Variants in ENTREP2 observed in about 807,000 individuals in gnomAD.
ENTREP2 encodes the protein protein ENTREP2.
At chr15:29,598,852 G>A in the ENTREP2 span, among the ~76,000 whole-genome samples, 134 of 152,136 alleles carry the variant, frequency 8.8e-4, no homozygotes, top group African/African-American at 2.9e-3. Flanking sequence ...GCCCGCCACC[G>A]CGCCCAGCTA....
chr15:29,199,136 T>C, the ENTREP2 span, among the ~76,000 whole-genome samples: 1 of 152,240 alleles, frequency 6.6e-6, no homozygotes, highest in Admixed American at 6.5e-5. Context: ...GCTGGGTCCC[T>C]GGGGATTTTC....
the ENTREP2 span, among the ~76,000 whole-genome samples, chr15:29,405,626 C>T: frequency 6.6e-6 from 1 of 152,206 alleles, no homozygotes; most frequent in African/African-American, 2.4e-5. Context: ...GACCACGGGG[C>T]TACGGCACCA....
chr15:29,182,839 TA>T, the ENTREP2 span, among the ~76,000 whole-genome samples: 29 of 149,042 alleles, frequency 1.9e-4, no homozygotes, highest in East Asian at 7.9e-4. Flanking sequence ...CATAGACCAA[TA>T]AAAAAAAAGA....
chr15:29,594,782 G>A, the ENTREP2 span, among the ~76,000 whole-genome samples: 3 of 152,094 alleles, frequency 2.0e-5, no homozygotes, highest in East Asian at 5.8e-4. Flanking sequence ...GACCAATGAG[G>A]TGAAGCCCCC....
At chr15:29,360,295 T>C in the ENTREP2 span, among the ~76,000 whole-genome samples, 8 of 152,198 alleles carry the variant, frequency 5.3e-5, no homozygotes, top group Non-Finnish European at 1.2e-4. Flanking sequence ...TTTTCTTATA[T>C]TAGAGCTACC....
the ENTREP2 span, among the ~76,000 whole-genome samples, chr15:29,135,171 C>A: frequency 6.6e-6 from 1 of 151,810 alleles, no homozygotes; most frequent in Non-Finnish European, 1.5e-5. The surrounding 1 kb of genome is among the most constrained non-coding windows in gnomAD (Gnocchi z 7.4). Flanking sequence ...CCCTCTGCTC[C>A]AACTCACTGC....
At chr15:29,455,121 G>T in the ENTREP2 span, among the ~76,000 whole-genome samples, 1 of 152,112 alleles carries the variant, frequency 6.6e-6, no homozygotes, top group Non-Finnish European at 1.5e-5. Context: ...CTGAAACTCT[G>T]CTGTCTCCAT....
chr15:29,276,546 C>G, the ENTREP2 span, among the ~76,000 whole-genome samples: 1 of 152,200 alleles, frequency 6.6e-6, no homozygotes, highest in African/African-American at 2.4e-5. Flanking sequence ...CAGACAGATT[C>G]TCGCCCCTCT....
the ENTREP2 span, among the ~76,000 whole-genome samples, chr15:29,568,691 G>A: frequency 2.2e-5 from 3 of 138,188 alleles, no homozygotes; most frequent in Non-Finnish European, 3.0e-5. Context: ...GCAAAAGAGC[G>A]AGATCCTGCC....
At chr15:29,149,203 G>T in the ENTREP2 span, among the ~76,000 whole-genome samples, 6 of 152,096 alleles carry the variant, frequency 3.9e-5, no homozygotes, top group Non-Finnish European at 7.4e-5. Flanking sequence ...TATCGCAACC[G>T]CCATAGTTGT....
the ENTREP2 span, chr15:29,265,567 A>T: frequency 6.6e-6 from 1 of 152,290 alleles, no homozygotes; most frequent in African/African-American, 2.4e-5. Context: ...TGAATCCAGG[A>T]GGCAGAGATT....
chr15:29,476,583 C>T, the ENTREP2 span, among the ~76,000 whole-genome samples: 318 of 152,340 alleles, frequency 2.1e-3, no homozygotes, highest in African/African-American at 7.4e-3. Flanking sequence ...CCTGGACATG[C>T]GTCCCCAATA....
At chr15:29,289,755 A>C in the ENTREP2 span, among the ~76,000 whole-genome samples, 1 of 152,114 alleles carries the variant, frequency 6.6e-6, no homozygotes, top group South Asian at 2.1e-4. Flanking sequence ...CTGAGGCAGG[A>C]GAATCACTGG....
the ENTREP2 span, among the ~76,000 whole-genome samples, chr15:29,262,800 C>CTA: frequency 6.6e-6 from 1 of 152,234 alleles, no homozygotes; most frequent in East Asian, 1.9e-4. Context: ...GGACTTGTGA[C>CTA]TAGTGTCCTG....
chr15:29,605,964 T>A, the ENTREP2 span, among the ~76,000 whole-genome samples: 1 of 152,166 alleles, frequency 6.6e-6, no homozygotes, highest in Non-Finnish European at 1.5e-5. Context: ...AGCACCTCCA[T>A]ATTCCCTACC....
chr15:29,551,380 T>C, the ENTREP2 span, among the ~76,000 whole-genome samples: 35 of 152,226 alleles, frequency 2.3e-4, no homozygotes, highest in African/African-American at 8.2e-4. Context: ...TCGGTGAGAT[T>C]TGGGCACTGA....
the ENTREP2 span, among the ~76,000 whole-genome samples, chr15:29,433,055 G>A: frequency 2.1e-3 from 325 of 152,316 alleles, 2 homozygotes; most frequent in African/African-American, 7.4e-3. Flanking sequence ...CTGAATCCCA[G>A]CACAAACAGG....
chr15:29,357,394 G>A, the ENTREP2 span, among the ~76,000 whole-genome samples: 1 of 152,044 alleles, frequency 6.6e-6, no homozygotes, highest in South Asian at 2.1e-4. Context: ...CAAAGCCTCG[G>A]AGGGGGTATT....
At chr15:29,342,406 T>C in the ENTREP2 span, among the ~76,000 whole-genome samples, 1 of 152,190 alleles carries the variant, frequency 6.6e-6, no homozygotes, top group African/African-American at 2.4e-5. Context: ...TCCCAGAGAT[T>C]CTTGGTTGTT....
Sources: gnomAD v4.1 joint callset for allele counts (sites outside exome capture counted in the v4.1 genomes callset) on GRCh38, gnomAD v4.1.1 for gene constraint, Gnocchi (gnomAD v3.1) non-coding constraint, MANE v1.5 for transcripts, NCBI Gene and HGNC (gene_info 2026-07-23, HGNC 2026-07-21) for gene names.